The following ARHGAP28 variants were observed in gnomAD, a reference collection of about 807,000 sequenced individuals.
ARHGAP28 encodes the protein Rho GTPase activating protein 28.
Under a neutral mutation model 90.7 loss-of-function variants are expected in ARHGAP28, and 56 were observed. The ratio of observed to expected loss-of-function variants is 0.62; its 90% CI spans 0.50 to 0.77. The LOEUF is 0.77. ARHGAP28 is among the 30% of genes least tolerant of loss of function. ARHGAP28 has a pLI of 0.00. For missense variants in ARHGAP28, 869 were observed against 900.9 expected (o/e 0.96, Z 0.45); for synonymous variants, 308 against 323.3 (o/e 0.95, Z 0.51).
chr18:6,827,983 G>T (rs1302938653), intron 2 of ARHGAP28, among the ~76,000 whole-genome samples: 6 of 152,046 alleles, frequency 3.9e-5, no homozygotes, highest in African/African-American at 1.4e-4. Context: ...TCGGCACTTT[G>T]GGAGGCCAAG....
At chr18:6,849,399 G>A (rs1409878554) in intron 3 of ARHGAP28, among the ~76,000 whole-genome samples, 1 of 152,116 alleles carries the variant, frequency 6.6e-6, no homozygotes, top group Non-Finnish European at 1.5e-5. Context: ...GAGGTGGCAG[G>A]CACTGTCCTG....
chr18:6,851,176 C>G lies in ARHGAP28; in HGVS notation c.636+50C>G, dbSNP rs748239797. 39 of 1,547,308 alleles carry G rather than the reference C, an allele frequency of 2.5e-5. No homozygotes were observed. The Admixed American group carries it at 4.8e-4, about 19-fold the overall frequency. ...GTGGTAGGCATGAAATAAGCCATTTCTTCAAGATGGTTGAGCAAAACTTGA... is the reference window on the plus strand; with the variant it reads ...GTGGTAGGCATGAAATAAGCCATTTGTTCAAGATGGTTGAGCAAAACTTGA... On this transcript the variant is annotated intron_variant, in intron 4 of 17. Coordinates refer to ENST00000383472, the MANE Select transcript of ARHGAP28 (RefSeq NM_001366230.1).
intron 1 of ARHGAP28, among the ~76,000 whole-genome samples, chr18:6,744,020 T>G (rs1247585776): frequency 6.6e-6 from 1 of 152,114 alleles, no homozygotes; most frequent in Admixed American, 6.5e-5. Context: ...ATGTGAATGG[T>G]TCAATGAATG....
In ARHGAP28 at chr18:6,906,185, A is replaced by G. The variant is rs564236552; in HGVS notation, c.2031-2775A>G. 2.2e-4 allele frequency among the ~76,000 whole-genome samples: 33 copies of G among 152,326 alleles called. No individual in the cohort carries two copies. The East Asian group carries it at 6.4e-3, about 29-fold the overall frequency. On this transcript the variant is annotated intron_variant, in intron 16 of 17. Coordinates refer to ENST00000383472, the MANE Select transcript of ARHGAP28 (RefSeq NM_001366230.1). ...AATCAAGATAGTATGATATTGGTGG[A>G]AGGATAGATACTTAGATCAATGGAA...
chr18:6,772,599 A>G (rs1222587703), intron 1 of ARHGAP28, among the ~76,000 whole-genome samples: 1 of 152,228 alleles, frequency 6.6e-6, no homozygotes. Context: ...TTAACGAACT[A>G]TATGATAATG....
intron 9 of ARHGAP28, 61 bp from the exon 10 acceptor site, chr18:6,876,070 G>A (rs917459155): frequency 7.8e-7 from 1 of 1,288,194 alleles, no homozygotes; most frequent in Non-Finnish European, 1.1e-6. Context: ...CATTGTTACT[G>A]TTTCATATGT....
At chr18:6,814,666 G>T (rs1360649374) in intron 1 of ARHGAP28, among the ~76,000 whole-genome samples, 1 of 152,142 alleles carries the variant, frequency 6.6e-6, no homozygotes, top group Admixed American at 6.5e-5. Context: ...ACTTTTAATT[G>T]CTTTGAAAGC....
chr18:6,780,781 A>G (rs1600176829), intron 1 of ARHGAP28, among the ~76,000 whole-genome samples: 1 of 151,804 alleles, frequency 6.6e-6, no homozygotes, highest in East Asian at 1.9e-4. Context: ...AATGCCAGCT[A>G]CTCACGAGGC....
At chr18:6,834,918 TACGAGTTCAGGTTTGAAC>T (rs2056742108) in intron 2 of ARHGAP28, among the ~76,000 whole-genome samples, 1 of 152,172 alleles carries the variant, frequency 6.6e-6, no homozygotes, top group Non-Finnish European at 1.5e-5. Context: ...GAGTGAGAAA[TACGAGTTCAGGTTTGAAC>T]ACAGTGAATA....
At chr18:6,755,618 A>G (rs1332510996) in intron 1 of ARHGAP28, among the ~76,000 whole-genome samples, 7 of 152,204 alleles carry the variant, frequency 4.6e-5, no homozygotes, top group African/African-American at 1.7e-4. Context: ...GTGCCTAAGT[A>G]AGACAACTGT....
At chr18:6,853,877 T>A (rs760862623) in intron 4 of ARHGAP28, among the ~76,000 whole-genome samples, 14 of 152,324 alleles carry the variant, frequency 9.2e-5, no homozygotes, top group Middle Eastern at 6.8e-3. Flanking sequence ...TACTGACTGA[T>A]GTATTATGTC....
chr18:6,792,572 G>A (rs1331551236), intron 1 of ARHGAP28, among the ~76,000 whole-genome samples: 3 of 152,146 alleles, frequency 2.0e-5, no homozygotes, highest in Non-Finnish European at 4.4e-5. Flanking sequence ...ATCAGAAAAC[G>A]CTCCCACAGC....
At chr18:6,856,347 C>T (rs1033650007) in intron 4 of ARHGAP28, among the ~76,000 whole-genome samples, 1 of 152,150 alleles carries the variant, frequency 6.6e-6, no homozygotes, top group Non-Finnish European at 1.5e-5. Context: ...GCAATATAAT[C>T]TCAATTCAAA....
At chr18:6,730,048 G>A in intron 1 of ARHGAP28, 105 bp downstream of exon 1, 1 of 1,156,062 alleles carries the variant, frequency 8.7e-7, no homozygotes, top group East Asian at 3.3e-5. Flanking sequence ...GTCACTGGAT[G>A]TTGTTTCAAG....
At chr18:6,812,383 T>C (rs559185900) in intron 1 of ARHGAP28, among the ~76,000 whole-genome samples, 5 of 152,310 alleles carry the variant, frequency 3.3e-5, no homozygotes, top group African/African-American at 4.8e-5. Context: ...TTTTTAAAAA[T>C]TGAATGAAAG....
At chr18:6,837,752 G>A (rs2056765548) in intron 3 of ARHGAP28, among the ~76,000 whole-genome samples, 1 of 152,092 alleles carries the variant, frequency 6.6e-6, no homozygotes, top group African/African-American at 2.4e-5. Flanking sequence ...CTGTGGTCGG[G>A]CAAAGGAGTC....
chr18:6,812,696 C>T (rs2056565541), intron 1 of ARHGAP28, among the ~76,000 whole-genome samples: 1 of 152,212 alleles, frequency 6.6e-6, no homozygotes, highest in Admixed American at 6.5e-5. Context: ...TGTGGAAGAG[C>T]TTCAGAGATA....
At chr18:6,829,679 A>G (rs2143813407) in intron 2 of ARHGAP28, among the ~76,000 whole-genome samples, 1 of 152,196 alleles carries the variant, frequency 6.6e-6, no homozygotes, top group South Asian at 2.1e-4. Context: ...TGACTTGCCA[A>G]CCCTGGCCAG....
intron 1 of ARHGAP28, among the ~76,000 whole-genome samples, chr18:6,784,582 G>T (rs2056352015): frequency 6.6e-6 from 1 of 152,188 alleles, no homozygotes; most frequent in South Asian, 2.1e-4. Context: ...CAAGGGGGCA[G>T]ATGTTAGGGA....
Sources: gnomAD v4.1 joint callset for allele counts (sites outside exome capture counted in the v4.1 genomes callset) on GRCh38, gnomAD v4.1.1 for gene constraint, MANE v1.5 for transcripts, NCBI Gene and HGNC (gene_info 2026-07-23, HGNC 2026-07-21) for gene names.